The following RUNDC3B variants were observed in gnomAD, a reference collection of about 807,000 sequenced individuals.
The protein encoded by RUNDC3B is RUN domain containing 3B, also known as RUN domain-containing protein 3B.
Under a neutral mutation model 58.4 loss-of-function variants are expected in RUNDC3B, and 33 were observed. The ratio of observed to expected loss-of-function variants is 0.56; its 90% CI spans 0.43 to 0.75. The LOEUF (loss-of-function observed/expected upper bound fraction) is 0.75. Ranked by LOEUF, RUNDC3B falls within the 30% of genes least tolerant of loss-of-function variation. RUNDC3B has a pLI of 0.00. For synonymous variants in RUNDC3B, 193 were observed against 195.2 expected (o/e 0.99, Z 0.10); for missense variants, 501 against 535.7 (o/e 0.94, Z 0.64).
intron 8 of RUNDC3B, among the ~76,000 whole-genome samples, chr7:87,803,294 C>T (rs1836268750): frequency 6.6e-6 from 1 of 152,094 alleles, no homozygotes; most frequent in South Asian, 2.1e-4. Flanking sequence ...TGCAGGAGAG[C>T]TAGACTCCAT....
At chr7:87,657,608 G>A (rs1459308764) in intron 2 of RUNDC3B, among the ~76,000 whole-genome samples, 2 of 152,172 alleles carry the variant, frequency 1.3e-5, no homozygotes, top group African/African-American at 2.4e-5. Flanking sequence ...CAATGTTGAC[G>A]GAACACCACA....
At chr7:87,641,117 T>A (rs899949499) in intron 1 of RUNDC3B, among the ~76,000 whole-genome samples, 1 of 152,210 alleles carries the variant, frequency 6.6e-6, no homozygotes, top group African/African-American at 2.4e-5. Context: ...CAATGTTTAT[T>A]AAGTTATTTC....
intron 6 of RUNDC3B, among the ~76,000 whole-genome samples, chr7:87,745,253 A>G (rs1432406991): frequency 6.6e-6 from 1 of 152,172 alleles, no homozygotes; most frequent in Non-Finnish European, 1.5e-5. Context: ...ATCTATGTTC[A>G]TCAAGAATAT....
intron 8 of RUNDC3B, among the ~76,000 whole-genome samples, chr7:87,778,716 G>A (rs1834780127): frequency 6.6e-6 from 1 of 152,178 alleles, no homozygotes; most frequent in Non-Finnish European, 1.5e-5. Flanking sequence ...TTTTTTAAGA[G>A]CAAGACTTTT....
intron 7 of RUNDC3B, among the ~76,000 whole-genome samples, chr7:87,775,957 T>C (rs1270555114): frequency 1.3e-5 from 2 of 152,144 alleles, no homozygotes; most frequent in African/African-American, 4.8e-5. Context: ...GGCACACAAC[T>C]GTAGGAGTGA....
chr7:87,830,235 T>A lies in RUNDC3B; in HGVS notation c.*205T>A. ...TTCATTTTTAAAATTCTTACATTTGTCATTGAGAAAGTTCAAAATGGAATA... is the reference window on the plus strand; with the variant it reads ...TTCATTTTTAAAATTCTTACATTTGACATTGAGAAAGTTCAAAATGGAATA... On this transcript the variant is annotated 3_prime_UTR_variant, in exon 11 of 11. Transcript: ENST00000394654. The A allele has an allele frequency of 2.8e-6, 1 of 355,674 alleles. No individual in the cohort carries two copies. 22.0% of individuals were successfully genotyped at this position (355,674 alleles called of 1,614,324 possible).
At chr7:87,661,844 G>A (rs577734187) in intron 2 of RUNDC3B, among the ~76,000 whole-genome samples, 3 of 152,044 alleles carry the variant, frequency 2.0e-5, no homozygotes, top group Admixed American at 6.6e-5. Flanking sequence ...CTCCATAGTG[G>A]CTGTACTAAT....
chr7:87,741,226 CAA>C (rs1198018666), intron 5 of RUNDC3B, among the ~76,000 whole-genome samples: 7 of 148,126 alleles, frequency 4.7e-5, no homozygotes, highest in Non-Finnish European at 1.0e-4. Flanking sequence ...AAAAAAAAAA[CAA>C]ACAAAAAAAC....
In RUNDC3B at chr7:87,830,863, A is replaced by C. The variant is rs943803282; in HGVS notation, c.*833A>C. 2 of 151,694 alleles carry C rather than the reference A, an allele frequency of 1.3e-5. No individual in the cohort carries two copies. The highest frequency in any genetic ancestry group is 4.8e-5 in the African/African-American group (2 of 41,346). The allele number at this position is 151,694 out of a possible 1,614,324, so 9.4% of individuals were successfully genotyped here. On this transcript the variant is annotated 3_prime_UTR_variant, in exon 11 of 11. Coordinates refer to ENST00000394654, the MANE Select transcript of RUNDC3B (RefSeq NM_001134405.2). ...CCAGGAAAGAGTTCAAGTTCAGTTA[A>C]GGATTTGAGAGGCTTTTAAACAAGG... is the stretch of plus-strand genomic sequence containing the variant.
At chr7:87,783,945 C>T (rs916281288) in intron 8 of RUNDC3B, among the ~76,000 whole-genome samples, 4 of 151,956 alleles carry the variant, frequency 2.6e-5, no homozygotes, top group South Asian at 2.1e-4. Context: ...TTTTCTTTCA[C>T]GTTGACCTGG....
intron 6 of RUNDC3B, among the ~76,000 whole-genome samples, chr7:87,747,497 C>A (rs1354698326): frequency 6.6e-6 from 1 of 152,104 alleles, no homozygotes; most frequent in African/African-American, 2.4e-5. Flanking sequence ...AGAGCATCAG[C>A]TGTGGTAGTA....
chr7:87,741,073 T>C (rs1216340247), intron 5 of RUNDC3B, among the ~76,000 whole-genome samples: 1 of 151,874 alleles, frequency 6.6e-6, no homozygotes, highest in African/African-American at 2.4e-5. Context: ...GGCATGGTAG[T>C]GGGTGCCTGT....
At chr7:87,748,955 T>G (rs1832806006) in intron 6 of RUNDC3B, among the ~76,000 whole-genome samples, 1 of 152,204 alleles carries the variant, frequency 6.6e-6, no homozygotes, top group South Asian at 2.1e-4. Flanking sequence ...AAAATTATAC[T>G]GTTTTGGGAT....
chr7:87,778,324 TC>T (rs1834755329), intron 8 of RUNDC3B, among the ~76,000 whole-genome samples: 1 of 151,428 alleles, frequency 6.6e-6, no homozygotes, highest in Non-Finnish European at 1.5e-5. Flanking sequence ...ATGTCTATAG[TC>T]CCAGCTACTC....
chr7:87,628,935 A>G lies in RUNDC3B; in HGVS notation c.112A>G (p.Thr38Ala). 1 of 1,310,038 alleles carries G rather than the reference A, an allele frequency of 7.6e-7. No individual in the cohort carries two copies. 81.2% of individuals were successfully genotyped at this position (1,310,038 alleles called of 1,614,324 possible). A position where few individuals can be genotyped will look rare whatever the true frequency, so the allele number is the denominator to read the frequency against. Residue 38 changes from threonine (T) to alanine (A), a missense_variant, in exon 1 of 11, where the codon ACC becomes GCC. Coordinates refer to ENST00000394654, the MANE Select transcript of RUNDC3B (RefSeq NM_001134405.2). ...TGCGGTGGAGAGGAGGAACCTGATC[A>G]CCGTGTGCAGGTACGGCAGCGCAGG... ...NAAVERRNLI[T>A]VCRFSVKTLI...
chr7:87,706,614 C>G (rs746088435), intron 3 of RUNDC3B, among the ~76,000 whole-genome samples: 1 of 152,180 alleles, frequency 6.6e-6, no homozygotes, highest in Non-Finnish European at 1.5e-5. Context: ...GGATATTACA[C>G]GAGCTGAGCC....
intron 4 of RUNDC3B, among the ~76,000 whole-genome samples, chr7:87,714,294 C>A (rs1830348273): frequency 6.6e-6 from 1 of 152,022 alleles, no homozygotes; most frequent in Admixed American, 6.6e-5. Flanking sequence ...CCTTCTGGTC[C>A]CACGGTGCCA....
At chr7:87,636,272 A>G (rs551600611) in intron 1 of RUNDC3B, among the ~76,000 whole-genome samples, 1 of 152,176 alleles carries the variant, frequency 6.6e-6, no homozygotes, top group Non-Finnish European at 1.5e-5. Context: ...CCAATCTTGT[A>G]TGTTTGTTGG....
intron 10 of RUNDC3B, among the ~76,000 whole-genome samples, chr7:87,828,892 G>A (rs569527658): frequency 8.5e-5 from 13 of 152,264 alleles, no homozygotes; most frequent in Non-Finnish European, 1.2e-4. Context: ...AGAAAGCAGC[G>A]TAGCAACCCT....
Sources: allele counts gnomAD v4.1 joint callset (sites outside exome capture counted in the v4.1 genomes callset), GRCh38; gene constraint gnomAD v4.1.1; transcripts MANE v1.5; gene names NCBI Gene and HGNC (gene_info 2026-07-23, HGNC 2026-07-21).